ZGRF1: variants seen among roughly 807,000 people sequenced by gnomAD.
The protein encoded by ZGRF1 is 5'-3' DNA helicase ZGRF1.
ZGRF1 carries 196 observed loss-of-function variants against 203.5 expected under a neutral mutation model. That is an observed-to-expected ratio of 0.96 (90% confidence interval 0.86 to 1.08). ZGRF1 has a LOEUF of 1.08. Ranked by LOEUF, ZGRF1 falls within the 50% of genes least tolerant of loss-of-function variation. The pLI is 0.00. For missense variants in ZGRF1, 2,326 were observed against 2,416.3 expected (o/e 0.96, Z 0.78); for synonymous variants, 809 against 841.3 (o/e 0.96, Z 0.66).
intron 3 of ZGRF1, chr4:112,628,471 G>A (rs2047306372): frequency 2.4e-6 from 1 of 412,556 alleles, no homozygotes; most frequent in Non-Finnish European, 4.9e-6. Context: ...GTAATATGTT[G>A]GTTGGTTGAT....
At chr4:112,600,233 T>C (rs960039545) in intron 10 of ZGRF1, among the ~76,000 whole-genome samples, 1 of 152,094 alleles carries the variant, frequency 6.6e-6, no homozygotes, top group Non-Finnish European at 1.5e-5. Flanking sequence ...CGAGTCTCAC[T>C]ATGTTGCCCA....
intron 10 of ZGRF1, among the ~76,000 whole-genome samples, chr4:112,602,247 G>A (rs2149090822): frequency 6.6e-6 from 1 of 151,480 alleles, no homozygotes; most frequent in East Asian, 1.9e-4. Flanking sequence ...ACATCAAAGA[G>A]GATAAAGAGA....
Position 112,617,999 on chromosome 4 carries a change from T to C in ZGRF1, c.2043A>G (p.Lys681=). The change falls in exon 6 of 28, where the codon AAA becomes AAG. Residue 681 remains lysine (K), a synonymous_variant. Transcript: ENST00000505019. The part of the protein sequence containing the change: ...INYDFALPPN[K]SKGINMNLHI... ...GTAAATTCATGTTTATACCTTTAGA[T>C]TTATTCGGGGGTAAAGCAAAATCAT... The C allele has an allele frequency of 6.2e-7, 1 of 1,612,730 alleles. No homozygotes were observed. Among genetic ancestry groups the C allele is most frequent in the Non-Finnish European group, 8.5e-7 (1 of 1,179,784 alleles).
At chr4:112,562,742 C>T (rs1046348040) in intron 17 of ZGRF1, among the ~76,000 whole-genome samples, 1 of 152,200 alleles carries the variant, frequency 6.6e-6, no homozygotes, top group East Asian at 1.9e-4. Context: ...AGCAAATGAA[C>T]AAGAACACCT....
chr4:112,608,742 G>A (rs1039716241), intron 8 of ZGRF1, among the ~76,000 whole-genome samples: 6 of 152,142 alleles, frequency 3.9e-5, no homozygotes, highest in African/African-American at 1.4e-4. Context: ...GTGTAATCTT[G>A]TTACATAAGA....
In ZGRF1 at chr4:112,617,453, A is replaced by G; in HGVS notation, c.2589T>C (p.Asp863=). Residue 863 remains aspartate (D), a synonymous_variant, in exon 6 of 28, where the codon GAT becomes GAC. Coordinates refer to ENST00000505019, the MANE Select transcript of ZGRF1 (RefSeq NM_018392.5). ...TGCAATTCTAACCTTCAGGAGGGCT[A>G]TCTGGCTCATACGTCTGTTGAGTTC... ...QQGTQQTYEP[D]SPPEVRKPFI... 2 of 1,550,932 alleles carry G rather than the reference A, an allele frequency of 1.3e-6. No homozygotes were observed. The highest frequency in any genetic ancestry group is 1.7e-6 in the Non-Finnish European group (2 of 1,153,876).
intron 4 of ZGRF1, among the ~76,000 whole-genome samples, chr4:112,623,239 T>C (rs1028042108): frequency 8.5e-5 from 13 of 152,354 alleles, no homozygotes; most frequent in African/African-American, 3.1e-4. Flanking sequence ...TATCTCATTT[T>C]CTTTATCCAG....
intron 22 of ZGRF1, among the ~76,000 whole-genome samples, chr4:112,549,281 A>C (rs13148069): frequency 0.39 from 59,374 of 151,950 alleles, 11,849 homozygotes; most frequent in South Asian, 0.49. Context: ...CTCTAGAATT[A>C]GATGTAAACA....
At chr4:112,544,821 C>T (rs1242819346) in intron 24 of ZGRF1, among the ~76,000 whole-genome samples, 1 of 152,106 alleles carries the variant, frequency 6.6e-6, no homozygotes, top group Non-Finnish European at 1.5e-5. Flanking sequence ...ATAGAAAGTC[C>T]AGAAATAAAC....
At chr4:112,551,920 G>C (rs1258158454) in intron 22 of ZGRF1, among the ~76,000 whole-genome samples, 1 of 152,182 alleles carries the variant, frequency 6.6e-6, no homozygotes, top group Non-Finnish European at 1.5e-5. Flanking sequence ...GACCTAGCAA[G>C]TATTAATTAA....
At chr4:112,561,913 T>C (rs971883714) in intron 18 of ZGRF1, among the ~76,000 whole-genome samples, 107 of 144,558 alleles carry the variant, frequency 7.4e-4, no homozygotes, top group South Asian at 1.8e-3. Context: ...CCTTTTCTCT[T>C]TTTTTTTTTT....
chr4:112,627,453 A>C (rs929306670), intron 3 of ZGRF1, among the ~76,000 whole-genome samples: 2 of 152,212 alleles, frequency 1.3e-5, no homozygotes, highest in Non-Finnish European at 2.9e-5. Context: ...TCTAAAATAC[A>C]AATATAGCCG....
At chr4:112,557,975 A>G (rs1219632591) in intron 20 of ZGRF1, among the ~76,000 whole-genome samples, 175 bp downstream of exon 20, 1 of 152,162 alleles carries the variant, frequency 6.6e-6, no homozygotes, top group African/African-American at 2.4e-5. Context: ...TATCCTACTT[A>G]CAAGCTAATT....
intron 3 of ZGRF1, among the ~76,000 whole-genome samples, chr4:112,628,377 T>C (rs557230406): frequency 2.0e-5 from 3 of 152,336 alleles, no homozygotes; most frequent in African/African-American, 7.2e-5. Context: ...AGAGCCAGAA[T>C]TGAAACTGAG....
In ZGRF1 at chr4:112,582,288, C is replaced by CT. The variant is rs34363128; in HGVS notation, c.4299-487dup. Among the ~76,000 whole-genome samples, 360 of 142,106 alleles carry CT rather than the reference C, an allele frequency of 2.5e-3. 3 individuals carry two copies. The highest frequency in any genetic ancestry group is 0.011 in the Middle Eastern group (3 of 274). The allele number at this position is 142,106 out of a possible 152,430, so 93.2% of individuals were successfully genotyped here. A position where few individuals can be genotyped will look rare whatever the true frequency, so the allele number is the denominator to read the frequency against. On this transcript the variant is annotated intron_variant, in intron 15 of 27. Coordinates refer to ENST00000505019, the MANE Select transcript of ZGRF1 (RefSeq NM_018392.5). ...TAACTATAATTTCCCTACTGTATTC[C>CT]TTTTTTTTTTTTTTTTAACACTTTA...
intron 22 of ZGRF1, among the ~76,000 whole-genome samples, chr4:112,549,666 CACATACAGTT>C (rs1739520794): frequency 6.6e-6 from 1 of 152,074 alleles, no homozygotes; most frequent in Non-Finnish European, 1.5e-5. Context: ...AAAAGTATAG[CACATACAGTT>C]ACGTACAGTT....
intron 11 of ZGRF1, among the ~76,000 whole-genome samples, chr4:112,589,234 G>A (rs1392746035): frequency 6.6e-6 from 1 of 152,166 alleles, no homozygotes; most frequent in East Asian, 1.9e-4. Context: ...AGCAGAAGCT[G>A]ACTCATAGTG....
intron 2 of ZGRF1, among the ~76,000 whole-genome samples, chr4:112,632,480 T>G (rs1411219005): frequency 1.3e-5 from 2 of 152,180 alleles, no homozygotes; most frequent in Non-Finnish European, 2.9e-5. Flanking sequence ...AGGTCAAAAC[T>G]ATTTTCATGA....
At chr4:112,625,247 C>T (rs990291509) in intron 3 of ZGRF1, among the ~76,000 whole-genome samples, 4 of 152,172 alleles carry the variant, frequency 2.6e-5, no homozygotes, top group African/African-American at 9.7e-5. Context: ...TATGATTGCA[C>T]CACTGCAATC....
Sources: allele counts gnomAD v4.1 joint callset (sites outside exome capture counted in the v4.1 genomes callset), GRCh38; gene constraint gnomAD v4.1.1; transcripts MANE v1.5; gene names NCBI Gene and HGNC (gene_info 2026-07-23, HGNC 2026-07-21).